SFN: variants seen among roughly 807,000 people sequenced by gnomAD.
SFN encodes the protein 14-3-3 protein sigma.
A neutral mutation model predicts 19.1 loss-of-function variants in SFN; 5 were observed. That is an observed-to-expected ratio of 0.26 (90% CI 0.14 to 0.55). The LOEUF (loss-of-function observed/expected upper bound fraction) is 0.55, where lower values mean the gene tolerates loss of function less well. Among genes scored for constraint, SFN ranks in the 20% least tolerant of loss-of-function variants. The probability of loss-of-function intolerance (pLI) is 0.94; values close to 1 mark genes in which losing one functional copy is unlikely to be tolerated. For missense variants in SFN, 287 were observed against 330.0 expected, an observed-to-expected ratio of 0.87 and a Z score of 1.01; for synonymous variants, 130 against 140.9, an observed-to-expected ratio of 0.92 and a Z score of 0.55.
chr1:26,863,775 A>T lies in SFN; in HGVS notation c.563A>T (p.Glu188Val), dbSNP rs764746422. The change falls in exon 1 of 1, where the codon GAG (glutamate) becomes GTG (valine). Residue 188 changes from glutamate to valine, a missense_variant. Transcript: ENST00000339276. This position sits in a 1 kb window ranked among gnomAD's most constrained non-coding sequence, Gnocchi z 7.4. ...CACTACGAGATCGCCAACAGCCCCG[A>T]GGAGGCCATCTCTCTGGCCAAGACC... is the stretch of plus-strand genomic sequence containing the variant. ...VFHYEIANSP[E>V]EAISLAKTTF... 1 of 1,613,618 alleles carries T rather than the reference A, an allele frequency of 6.2e-7. No individual in the cohort carries two copies. The highest frequency in any genetic ancestry group is 1.7e-5 in the Admixed American group (1 of 59,816).
rs2081776739 is a variant in SFN, at chr1:26,864,442, TC to T, written c.*487del. 6 of 170,554 alleles carry T rather than the reference TC, an allele frequency of 3.5e-5. No homozygotes were observed. In the South Asian group the frequency reaches 9.5e-4, roughly 27 times the overall value. The allele number at this position is 170,554 out of a possible 1,614,324, so 10.6% of individuals were successfully genotyped here. A position where few individuals can be genotyped will look rare whatever the true frequency, so the allele number is the denominator to read the frequency against. On this transcript the variant is annotated 3_prime_UTR_variant, in exon 1 of 1. Coordinates refer to ENST00000339276, the MANE Select transcript of SFN (RefSeq NM_006142.5). This position sits in a 1 kb window ranked among gnomAD's most constrained non-coding sequence, Gnocchi z 5.2. Reference sequence around the variant, plus strand: ...TGACCATGTTTCCTCTCAATAAAGTTCCCCTGTGACACTCCTCCTGTCTCTC... The same window carrying T: ...TGACCATGTTTCCTCTCAATAAAGTTCCCTGTGACACTCCTCCTGTCTCTC...
rs765911499 is a variant in SFN at position 26,863,926 on chromosome 1, G to C, written c.714G>C (p.Glu238Asp). The C allele has an allele frequency of 2.5e-6, 4 of 1,613,352 alleles. No individual in the cohort carries two copies. The South Asian group carries it at 4.4e-5, about 18-fold the overall frequency. ...GGACGGCCGACAACGCCGGGGAAGA[G>C]GGGGGCGAGGCTCCCCAGGAGCCCC... Reference protein sequence around the residue: ...TLWTADNAGEEGGEAPQEPQS With the variant: ...TLWTADNAGEDGGEAPQEPQS Residue 238 changes from glutamate (E) to aspartate (D), a missense_variant, in exon 1 of 1, where the codon GAG (glutamate) becomes GAC (aspartate). Coordinates refer to ENST00000339276, the MANE Select transcript of SFN (RefSeq NM_006142.5). This position sits in a 1 kb window ranked among gnomAD's most constrained non-coding sequence, Gnocchi z 7.4.
In SFN at chr1:26,863,192, C is replaced by T; in HGVS notation, c.-21C>T. The stretch of plus-strand genomic sequence containing the variant: ...CCCAGGCAGCAGTTAGCCCGCCGCC[C>T]GCCTGTGTGTCCCCAGAGCCATGGA... On this transcript the variant is annotated 5_prime_UTR_variant, in exon 1 of 1. Coordinates refer to ENST00000339276, the MANE Select transcript of SFN (RefSeq NM_006142.5). The surrounding 1 kb of genome is among the most constrained non-coding windows in gnomAD (Gnocchi z 7.4). The T allele has an allele frequency of 6.2e-7, 1 of 1,611,772 alleles. No homozygotes were observed. Among genetic ancestry groups the T allele is most frequent in the Non-Finnish European group, 8.5e-7 (1 of 1,179,174 alleles).
At position 26,863,320 on chromosome 1, in the gene SFN, C is replaced by T; in HGVS notation, c.108C>T (p.Leu36=). 6.2e-7 allele frequency: 1 copy of T among 1,614,204 alleles called. No homozygotes were observed. The highest frequency in any genetic ancestry group is 1.6e-4 in the Middle Eastern group (1 of 6,062). ...GCGCCGTGGAGAAGGGCGAGGAGCT[C>T]TCCTGCGAAGAGCGAAACCTGCTCT... ...MKGAVEKGEE[L]SCEERNLLSV... is the part of the protein sequence containing the mutation. Residue 36 remains leucine, a synonymous_variant, in exon 1 of 1, where the codon CTC becomes CTT. Transcript: ENST00000339276. The surrounding 1 kb of genome is among the most constrained non-coding windows in gnomAD (Gnocchi z 7.4).
At position 26,864,100 on chromosome 1, in the gene SFN, C is replaced by T. The variant is rs2081774401; in HGVS notation, c.*141C>T. The T allele has an allele frequency of 1.4e-6, 1 of 734,678 alleles. No homozygotes were observed. Among genetic ancestry groups the T allele is most frequent in the South Asian group, 1.9e-5 (1 of 51,418 alleles). The allele number at this position is 734,678 out of a possible 1,614,324, so 45.5% of individuals were successfully genotyped here. ...GCTCCGTGGAGAGGGACTGGCAGAG[C>T]TGAGGCCACCTGGGGCTGGGGATCC... On this transcript the variant is annotated 3_prime_UTR_variant, in exon 1 of 1. Transcript: ENST00000339276. This position sits in a 1 kb window ranked among gnomAD's most constrained non-coding sequence, Gnocchi z 5.2.
At position 26,863,266 on chromosome 1, in the gene SFN, C is replaced by G. The variant is rs751125031; in HGVS notation, c.54C>G (p.Arg18=). The change falls in exon 1 of 1, where the codon CGC becomes CGG. Residue 18 remains arginine (R), a synonymous_variant. Coordinates refer to ENST00000339276, the MANE Select transcript of SFN (RefSeq NM_006142.5). The surrounding 1 kb of genome is among the most constrained non-coding windows in gnomAD (Gnocchi z 7.4). ...QKAKLAEQAE[R]YEDMAAFMKG... ...CCAAGCTGGCAGAGCAGGCCGAACGCTATGAGGACATGGCAGCCTTCATGA... is the reference window on the plus strand; with the variant it reads ...CCAAGCTGGCAGAGCAGGCCGAACGGTATGAGGACATGGCAGCCTTCATGA... 7.4e-6 allele frequency: 12 copies of G among 1,614,110 alleles called. No homozygotes were observed. The highest frequency in any genetic ancestry group is 9.3e-6 in the Non-Finnish European group (11 of 1,180,042).
Position 26,864,172 on chromosome 1 carries a change from C to A in SFN, c.*213C>A. The A allele has an allele frequency of 1.7e-6, 1 of 575,958 alleles. No individual in the cohort carries two copies. Among genetic ancestry groups the A allele is most frequent in the Non-Finnish European group, 3.2e-6 (1 of 316,850 alleles). The allele number at this position is 575,958 out of a possible 1,614,324, so 35.7% of individuals were successfully genotyped here. On this transcript the variant is annotated 3_prime_UTR_variant, in exon 1 of 1. Transcript: ENST00000339276. This position sits in a 1 kb window ranked among gnomAD's most constrained non-coding sequence, Gnocchi z 5.2. Reference sequence around the variant, plus strand: ...GCGCACCTAACCACTGGTCATGCCCCCACCCCTGCTCTCCGCACCCGCTTC... The same window carrying A: ...GCGCACCTAACCACTGGTCATGCCCACACCCCTGCTCTCCGCACCCGCTTC...
Position 26,863,728 on chromosome 1 carries a change from G to C in SFN, c.516G>C (p.Leu172=), listed in dbSNP as rs1163288247. ...CCACCAACCCCATCCGCCTGGGCCTGGCCCTGAACTTTTCCGTCTTCCACT... is the reference window on the plus strand; with the variant it reads ...CCACCAACCCCATCCGCCTGGGCCTCGCCCTGAACTTTTCCGTCTTCCACT... ...MPPTNPIRLG[L]ALNFSVFHYE... Residue 172 remains leucine, a synonymous_variant, in exon 1 of 1, where the codon CTG becomes CTC. Coordinates refer to ENST00000339276, the MANE Select transcript of SFN (RefSeq NM_006142.5). This position sits in a 1 kb window ranked among gnomAD's most constrained non-coding sequence, Gnocchi z 7.4. The C allele has an allele frequency of 1.2e-6, 2 of 1,614,072 alleles. No homozygotes were observed. The highest frequency in any genetic ancestry group is 1.1e-5 in the South Asian group (1 of 91,082).
rs1417923627 is a variant in SFN, at chr1:26,864,362, T to TGC, written c.*404_*405insCG. The TGC allele has an allele frequency of 6.3e-4, 123 of 195,244 alleles. 1 individual carries two copies. The highest frequency in any genetic ancestry group is 2.9e-3 in the African/African-American group (118 of 41,022). 12.1% of individuals were successfully genotyped at this position (195,244 alleles called of 1,614,324 possible). ...GTGTGTGTGTGTGTGTGTGTGTGTG[T>TGC]GTGCGCGCGCGCCAGTGCAAGACCG... On this transcript the variant is annotated 3_prime_UTR_variant, in exon 1 of 1. Transcript: ENST00000339276. This position sits in a 1 kb window ranked among gnomAD's most constrained non-coding sequence, Gnocchi z 5.2.
rs2124278382 is a variant in SFN, at chr1:26,863,990, C to T, written c.*31C>T. The T allele has an allele frequency of 6.5e-7, 1 of 1,531,130 alleles. No homozygotes were observed. Among genetic ancestry groups the T allele is most frequent in the East Asian group, 2.3e-5 (1 of 43,052 alleles). The allele number at this position is 1,531,130 out of a possible 1,614,324, so 94.8% of individuals were successfully genotyped here. A position where few individuals can be genotyped will look rare whatever the true frequency, so the allele number is the denominator to read the frequency against. On this transcript the variant is annotated 3_prime_UTR_variant, in exon 1 of 1. Coordinates refer to ENST00000339276, the MANE Select transcript of SFN (RefSeq NM_006142.5). This position sits in a 1 kb window ranked among gnomAD's most constrained non-coding sequence, Gnocchi z 7.4. ...GCCCGCCACCGCCCCGCCCTGCCCC[C>T]TCCAGTCCCCCACCCTGCCGAGAGG... is the stretch of plus-strand genomic sequence containing the variant.
Position 26,864,075 on chromosome 1 carries a change from G to T in SFN, c.*116G>T. 1.0e-6 allele frequency: 1 copy of T among 959,836 alleles called. No individual in the cohort carries two copies. Among genetic ancestry groups the T allele is most frequent in the East Asian group, 2.6e-5 (1 of 37,888 alleles). The allele number at this position is 959,836 out of a possible 1,614,324, so 59.5% of individuals were successfully genotyped here. A position where few individuals can be genotyped will look rare whatever the true frequency, so the allele number is the denominator to read the frequency against. ...CTAGGCGCTGTTCTTGCTCCAAAGG[G>T]CTCCGTGGAGAGGGACTGGCAGAGC... On this transcript the variant is annotated 3_prime_UTR_variant, in exon 1 of 1. Coordinates refer to ENST00000339276, the MANE Select transcript of SFN (RefSeq NM_006142.5). The surrounding 1 kb of genome is among the most constrained non-coding windows in gnomAD (Gnocchi z 5.2).
chr1:26,863,438 G>C lies in SFN; in HGVS notation c.226G>C (p.Glu76Gln), dbSNP rs772373713. Residue 76 changes from glutamate to glutamine, a missense_variant, in exon 1 of 1, where the codon GAG becomes CAG. By Grantham distance (29) the Glu-to-Gln change is conservative. Coordinates refer to ENST00000339276, the MANE Select transcript of SFN (RefSeq NM_006142.5). The surrounding 1 kb of genome is among the most constrained non-coding windows in gnomAD (Gnocchi z 7.4). Reference protein sequence around the residue: ...EQKSNEEGSEEKGPEVREYRE... With the variant: ...EQKSNEEGSEQKGPEVREYRE... The stretch of plus-strand genomic sequence containing the variant: ...GAAAAGCAACGAGGAGGGCTCGGAG[G>C]AGAAGGGGCCCGAGGTGCGTGAGTA... 17 of 1,614,060 alleles carry C rather than the reference G, an allele frequency of 1.1e-5. No homozygotes were observed. The highest frequency in any genetic ancestry group is 1.4e-5 in the Non-Finnish European group (17 of 1,180,032).
rs775434511 is a variant in SFN, at chr1:26,863,647, C to T, written c.435C>T (p.Asp145=). The change falls in exon 1 of 1, where the codon GAC becomes GAT. Residue 145 remains aspartate, a synonymous_variant. Coordinates refer to ENST00000339276, the MANE Select transcript of SFN (RefSeq NM_006142.5). This position sits in a 1 kb window ranked among gnomAD's most constrained non-coding sequence, Gnocchi z 7.4. Reference sequence around the variant, plus strand: ...GTGACGACAAGAAGCGCATCATTGACTCAGCCCGGTCAGCCTACCAGGAGG... The same window carrying T: ...GTGACGACAAGAAGCGCATCATTGATTCAGCCCGGTCAGCCTACCAGGAGG... ...ATGDDKKRII[D]SARSAYQEAM... 4.3e-6 allele frequency: 7 copies of T among 1,614,126 alleles called. No homozygotes were observed. The highest frequency in any genetic ancestry group is 5.9e-6 in the Non-Finnish European group (7 of 1,180,022).
rs774313113 is a variant in SFN at position 26,863,620 on chromosome 1, C to G, written c.408C>G (p.Thr136=). ...DYYRYLAEVA[T]GDDKKRIIDS... ...ACCGCTACCTGGCCGAGGTGGCCAC[C>G]GGTGACGACAAGAAGCGCATCATTG... Residue 136 remains threonine (T), a synonymous_variant, in exon 1 of 1, where the codon ACC becomes ACG. Coordinates refer to ENST00000339276, the MANE Select transcript of SFN (RefSeq NM_006142.5). The surrounding 1 kb of genome is among the most constrained non-coding windows in gnomAD (Gnocchi z 7.4). 1.2e-6 allele frequency: 2 copies of G among 1,614,062 alleles called. No homozygotes were observed. Among genetic ancestry groups the G allele is most frequent in the South Asian group, 1.1e-5 (1 of 91,080 alleles).
rs1237836535 is a variant in SFN, at chr1:26,863,318, C to T, written c.106C>T (p.Leu36Phe). 6.2e-7 allele frequency: 1 copy of T among 1,614,228 alleles called. No individual in the cohort carries two copies. Among genetic ancestry groups the T allele is most frequent in the South Asian group, 1.1e-5 (1 of 91,080 alleles). Residue 36 changes from leucine to phenylalanine, a missense_variant, in exon 1 of 1, where the codon CTC becomes TTC. Transcript: ENST00000339276. This position sits in a 1 kb window ranked among gnomAD's most constrained non-coding sequence, Gnocchi z 7.4. The stretch of plus-strand genomic sequence containing the variant: ...AGGCGCCGTGGAGAAGGGCGAGGAG[C>T]TCTCCTGCGAAGAGCGAAACCTGCT... ...MKGAVEKGEE[L>F]SCEERNLLSV...
Position 26,863,597 on chromosome 1 carries a change from C to A in SFN, c.385C>A (p.Arg129Ser). 6.2e-7 allele frequency: 1 copy of A among 1,614,084 alleles called. No homozygotes were observed. The highest frequency in any genetic ancestry group is 8.5e-7 in the Non-Finnish European group (1 of 1,180,006). Residue 129 changes from arginine to serine, a missense_variant, in exon 1 of 1, where the codon CGC (arginine) becomes AGC (serine). Physicochemically the swap from Arg to Ser is moderately radical, Grantham distance 110 (BLOSUM62 -1). Transcript: ENST00000339276. The surrounding 1 kb of genome is among the most constrained non-coding windows in gnomAD (Gnocchi z 7.4). ...FYLKMKGDYYRYLAEVATGDD... is the reference protein window; with the variant it reads ...FYLKMKGDYYSYLAEVATGDD... ...CCTGAAGATGAAGGGTGACTACTAC[C>A]GCTACCTGGCCGAGGTGGCCACCGG...
At position 26,863,606 on chromosome 1, in the gene SFN, G is replaced by T. The variant is rs201166719; in HGVS notation, c.394G>T (p.Ala132Ser). The change falls in exon 1 of 1, where the codon GCC becomes TCC. Residue 132 changes from alanine (A) to serine (S), a missense_variant. Coordinates refer to ENST00000339276, the MANE Select transcript of SFN (RefSeq NM_006142.5). The surrounding 1 kb of genome is among the most constrained non-coding windows in gnomAD (Gnocchi z 7.4). ...KMKGDYYRYL[A>S]EVATGDDKKR... ...GAAGGGTGACTACTACCGCTACCTGGCCGAGGTGGCCACCGGTGACGACAA... is the reference window on the plus strand; with the variant it reads ...GAAGGGTGACTACTACCGCTACCTGTCCGAGGTGGCCACCGGTGACGACAA... 53 of 1,614,076 alleles carry T rather than the reference G, an allele frequency of 3.3e-5. No homozygotes were observed. The highest frequency in any genetic ancestry group is 4.2e-5 in the Non-Finnish European group (49 of 1,180,012).
rs1470145884 is a variant in SFN, at chr1:26,863,364, T to A, written c.152T>A (p.Val51Glu). The A allele has an allele frequency of 6.2e-7, 1 of 1,613,786 alleles. No homozygotes were observed. Among genetic ancestry groups the A allele is most frequent in the Middle Eastern group, 1.7e-4 (1 of 6,058 alleles). Residue 51 changes from valine (V) to glutamate (E), a missense_variant, in exon 1 of 1, where the codon GTG becomes GAG. Transcript: ENST00000339276. The surrounding 1 kb of genome is among the most constrained non-coding windows in gnomAD (Gnocchi z 7.4). ...CTGCTCTCAGTAGCCTATAAGAACGTGGTGGGCGGCCAGAGGGCTGCCTGG... is the reference window on the plus strand; with the variant it reads ...CTGCTCTCAGTAGCCTATAAGAACGAGGTGGGCGGCCAGAGGGCTGCCTGG... Reference protein sequence around the residue: ...RNLLSVAYKNVVGGQRAAWRV... With the variant: ...RNLLSVAYKNEVGGQRAAWRV...
chr1:26,863,362 C>A lies in SFN; in HGVS notation c.150C>A (p.Asn50Lys), dbSNP rs1438240956. 1 of 1,613,884 alleles carries A rather than the reference C, an allele frequency of 6.2e-7. No individual in the cohort carries two copies. Among genetic ancestry groups the A allele is most frequent in the Non-Finnish European group, 8.5e-7 (1 of 1,179,908 alleles). Residue 50 changes from asparagine (N) to lysine (K), a missense_variant, in exon 1 of 1, where the codon AAC becomes AAA. By Grantham distance (94) the Asn-to-Lys change is moderately conservative. Transcript: ENST00000339276. This position sits in a 1 kb window ranked among gnomAD's most constrained non-coding sequence, Gnocchi z 7.4. ...ACCTGCTCTCAGTAGCCTATAAGAACGTGGTGGGCGGCCAGAGGGCTGCCT... is the reference window on the plus strand; with the variant it reads ...ACCTGCTCTCAGTAGCCTATAAGAAAGTGGTGGGCGGCCAGAGGGCTGCCT... ...ERNLLSVAYK[N>K]VVGGQRAAWR...
Sources: allele counts gnomAD v4.1 joint callset, GRCh38; gene constraint gnomAD v4.1.1; non-coding constraint Gnocchi (gnomAD v3.1); transcripts MANE v1.5; gene names NCBI Gene and HGNC (gene_info 2026-07-23, HGNC 2026-07-21).